The following CDS2 variants were observed in gnomAD, a reference collection of about 807,000 sequenced individuals.
The protein encoded by CDS2 is phosphatidate cytidylyltransferase 2.
A neutral mutation model predicts 59.0 loss-of-function variants in CDS2; 47 were observed. The ratio of observed to expected loss-of-function variants is 0.80; its 90% confidence interval spans 0.63 to 1.02. The LOEUF is 1.02. Ranked by LOEUF, CDS2 falls within the 50% of genes least tolerant of loss-of-function variation. CDS2 has a pLI of 0.00. For missense variants in CDS2, 356 were observed against 558.9 expected, an observed-to-expected ratio of 0.64 and a Z score of 3.66; for synonymous variants, 207 against 206.4, an observed-to-expected ratio of 1.00 and a Z score of -0.02.
rs964080028 is a variant in CDS2 at position 5,193,009 on chromosome 20, G to A, written c.*2775G>A. Reference sequence around the variant, plus strand: ...TGCAGCTTTCCTTCCCTCTAGCTCAGGAGGCCTGGCCTGAGCCAGGTTGGA... The same window carrying A: ...TGCAGCTTTCCTTCCCTCTAGCTCAAGAGGCCTGGCCTGAGCCAGGTTGGA... On this transcript the variant is annotated 3_prime_UTR_variant, in exon 13 of 13. Transcript: ENST00000460006. The A allele has an allele frequency of 6.6e-6, 1 of 152,242 alleles. No homozygotes were observed. The highest frequency in any genetic ancestry group is 2.4e-5 in the African/African-American group (1 of 41,464). 9.4% of individuals were successfully genotyped at this position (152,242 alleles called of 1,614,324 possible).
In CDS2 at chr20:5,191,224, G is replaced by T. The variant is rs1397209054; in HGVS notation, c.*990G>T. On this transcript the variant is annotated 3_prime_UTR_variant, in exon 13 of 13. Transcript: ENST00000460006. Reference sequence around the variant, plus strand: ...TTAAAAGTCACTTATTTCTTACAGTGATTTCAATTGCACCATGACTTCTTC... The same window carrying T: ...TTAAAAGTCACTTATTTCTTACAGTTATTTCAATTGCACCATGACTTCTTC... 1.3e-5 allele frequency: 2 copies of T among 152,570 alleles called. No homozygotes were observed. Among genetic ancestry groups the T allele is most frequent in the African/African-American group, 2.4e-5 (1 of 41,466 alleles). The allele number at this position is 152,570 out of a possible 1,614,324, so 9.5% of individuals were successfully genotyped here.
At chr20:5,161,410 T>C (rs2090875782) in intron 1 of CDS2, among the ~76,000 whole-genome samples, 1 of 152,214 alleles carries the variant, frequency 6.6e-6, no homozygotes, top group Non-Finnish European at 1.5e-5. Context: ...ATTTCCATTA[T>C]TGCAGAAAGT....
At chr20:5,173,433 T>C (rs2123040162) in intron 1 of CDS2, 90 bp from the exon 2 acceptor site, 1 of 1,469,646 alleles carries the variant, frequency 6.8e-7, no homozygotes, top group Non-Finnish European at 9.4e-7. Context: ...TTGGAGTCTT[T>C]CCCCACAGAT....
Position 5,197,730 on chromosome 20 carries a change from ATCTC to A in CDS2, c.*7504_*7507del, listed in dbSNP as rs1180250958. ...CTTGGCGTTTCACTAAATGCAGCTG[ATCTC>A]TCTCTCTGTGCACTCGTGATCCATG... is the stretch of plus-strand genomic sequence containing the variant. On this transcript the variant is annotated 3_prime_UTR_variant, in exon 13 of 13. Coordinates refer to ENST00000460006, the MANE Select transcript of CDS2 (RefSeq NM_003818.4). The A allele has an allele frequency of 6.6e-6, 1 of 151,886 alleles. No homozygotes were observed. Among genetic ancestry groups the A allele is most frequent in the Admixed American group, 6.6e-5 (1 of 15,266 alleles). 9.4% of individuals were successfully genotyped at this position (151,886 alleles called of 1,614,324 possible).
intron 11 of CDS2, 112 bp downstream of exon 11, chr20:5,189,298 G>A (rs1350602152): frequency 2.5e-6 from 3 of 1,212,098 alleles, no homozygotes; most frequent in Non-Finnish European, 3.6e-6. Flanking sequence ...GGCATTTAAT[G>A]TGTGATCTTG....
rs1568548218 is a variant in CDS2 at position 5,194,833 on chromosome 20, A to G, written c.*4599A>G. On this transcript the variant is annotated 3_prime_UTR_variant, in exon 13 of 13. Transcript: ENST00000460006. ...CTCTTTTTATTCTTGAGCCAATGAG[A>G]TATCAGTGTGTTTATTAATAAGGAT... The G allele has an allele frequency of 6.6e-6, 1 of 151,832 alleles. No individual in the cohort carries two copies. Among genetic ancestry groups the G allele is most frequent in the Non-Finnish European group, 1.5e-5 (1 of 68,010 alleles). The allele number at this position is 151,832 out of a possible 1,614,324, so 9.4% of individuals were successfully genotyped here. A position where few individuals can be genotyped will look rare whatever the true frequency, so the allele number is the denominator to read the frequency against.
At chr20:5,177,839 G>T (rs2091005740) in intron 4 of CDS2, among the ~76,000 whole-genome samples, 2 of 152,158 alleles carry the variant, frequency 1.3e-5, no homozygotes, top group African/African-American at 4.8e-5. Flanking sequence ...TAAGATGCAG[G>T]TCCCTTTTGT....
chr20:5,140,099 G>A (rs1424283620), intron 1 of CDS2, among the ~76,000 whole-genome samples: 1 of 152,170 alleles, frequency 6.6e-6, no homozygotes, highest in Middle Eastern at 3.2e-3. Flanking sequence ...GCTGCACCCG[G>A]CCAGCATCAA....
chr20:5,188,300 A>G (rs527312137), intron 10 of CDS2, among the ~76,000 whole-genome samples: 3 of 152,352 alleles, frequency 2.0e-5, no homozygotes, highest in South Asian at 4.1e-4. Flanking sequence ...TCTAGATTCC[A>G]TATCACACCT....
Position 5,190,343 on chromosome 20 carries a change from T to G in CDS2, c.*109T>G. 1.9e-6 allele frequency: 1 copy of G among 537,868 alleles called. No individual in the cohort carries two copies. The highest frequency in any genetic ancestry group is 2.5e-6 in the Non-Finnish European group (1 of 398,364). The allele number at this position is 537,868 out of a possible 1,614,324, so 33.3% of individuals were successfully genotyped here. A position where few individuals can be genotyped will look rare whatever the true frequency, so the allele number is the denominator to read the frequency against. On this transcript the variant is annotated 3_prime_UTR_variant, in exon 13 of 13. Coordinates refer to ENST00000460006, the MANE Select transcript of CDS2 (RefSeq NM_003818.4). ...ATGACGAGGCTTCAACTCACTGTCT[T>G]TTTTTTTTTTTTTTGGAGGGTATTT...
At chr20:5,174,472 C>G (rs1464766946) in intron 2 of CDS2, among the ~76,000 whole-genome samples, 1 of 152,154 alleles carries the variant, frequency 6.6e-6, no homozygotes, top group Admixed American at 6.5e-5. Flanking sequence ...TATGGTGGCT[C>G]ACGCCTGTAA....
At chr20:5,146,637 T>A (rs890554903) in intron 1 of CDS2, among the ~76,000 whole-genome samples, 2 of 152,242 alleles carry the variant, frequency 1.3e-5, no homozygotes, top group Non-Finnish European at 2.9e-5. Flanking sequence ...ATGATTTTTT[T>A]AGCGTCTATT....
At chr20:5,136,616 T>C (rs191924743) in intron 1 of CDS2, among the ~76,000 whole-genome samples, 6 of 152,338 alleles carry the variant, frequency 3.9e-5, no homozygotes, top group Admixed American at 3.9e-4. Context: ...TTGAGCTCCC[T>C]CCTGTTAGGA....
chr20:5,128,859 A>T (rs542872542), intron 1 of CDS2: 7 of 152,198 alleles, frequency 4.6e-5, no homozygotes, highest in Admixed American at 6.5e-5. Flanking sequence ...GAGAGAAGAA[A>T]GAAGGCATGA....
chr20:5,152,424 A>T (rs2090800066), intron 1 of CDS2, among the ~76,000 whole-genome samples: 2 of 151,714 alleles, frequency 1.3e-5, no homozygotes, highest in African/African-American at 4.8e-5. Context: ...TAGTTTGGAT[A>T]CTCTTTGAAC....
chr20:5,127,560 A>G (rs1393094871), intron 1 of CDS2, among the ~76,000 whole-genome samples: 1 of 151,780 alleles, frequency 6.6e-6, no homozygotes, highest in Non-Finnish European at 1.5e-5. Flanking sequence ...TTACAATGTT[A>G]TTATTTTGGG....
intron 1 of CDS2, 48 bp downstream of exon 1, chr20:5,127,197 G>A: frequency 1.4e-6 from 2 of 1,422,400 alleles, no homozygotes; most frequent in Non-Finnish European, 1.9e-6. Context: ...GGCGCATCCG[G>A]GAGGCCTGCG....
chr20:5,179,413 C>T (rs11699184), intron 5 of CDS2, among the ~76,000 whole-genome samples: 11,270 of 152,286 alleles, frequency 0.074, 485 homozygotes, highest in Middle Eastern at 0.16. Flanking sequence ...TGAGCCACCA[C>T]GCCCGGCCTT....
At chr20:5,170,964 G>T (rs1208099880) in intron 1 of CDS2, among the ~76,000 whole-genome samples, 4 of 152,252 alleles carry the variant, frequency 2.6e-5, no homozygotes, top group Admixed American at 6.5e-5. Context: ...AAATCTAGAA[G>T]AAATGGATAA....
Sources: gnomAD v4.1 joint callset for allele counts (sites outside exome capture counted in the v4.1 genomes callset) on GRCh38, gnomAD v4.1.1 for gene constraint, MANE v1.5 for transcripts, NCBI Gene and HGNC (gene_info 2026-07-23, HGNC 2026-07-21) for gene names.